Variants in DDAH1 observed in about 807,000 individuals in gnomAD.
DDAH1 encodes N(G),N(G)-dimethylarginine dimethylaminohydrolase 1.
A neutral mutation model predicts 28.8 loss-of-function variants in DDAH1; 19 were observed. The ratio of observed to expected loss-of-function variants is 0.66; its 90% confidence interval spans 0.46 to 0.97. The LOEUF (loss-of-function observed/expected upper bound fraction) is 0.97, where lower values mean the gene tolerates loss of function less well. Ranked by LOEUF, DDAH1 falls within the 50% of genes least tolerant of loss-of-function variation. The probability of loss-of-function intolerance (pLI) is 0.00; values close to 1 mark genes in which losing one functional copy is unlikely to be tolerated. For synonymous variants in DDAH1, 153 were observed against 154.4 expected, an observed-to-expected ratio of 0.99 and a Z score of 0.07; for missense variants, 326 against 375.9, an observed-to-expected ratio of 0.87 and a Z score of 1.10.
At chr1:85,538,026 A>C (rs1476723347) in intron 1 of DDAH1, among the ~76,000 whole-genome samples, 2 of 152,120 alleles carry the variant, frequency 1.3e-5, no homozygotes, top group Non-Finnish European at 2.9e-5. Context: ...CACAATCCTC[A>C]TCAGCAGGAA....
At chr1:85,356,283 C>A (rs1018029534) in intron 2 of DDAH1, among the ~76,000 whole-genome samples, 1 of 152,182 alleles carries the variant, frequency 6.6e-6, no homozygotes, top group Non-Finnish European at 1.5e-5. Flanking sequence ...TTGCCAGTAG[C>A]TGCTTGCCTG....
intron 1 of DDAH1, among the ~76,000 whole-genome samples, chr1:85,400,752 C>T (rs1331157903): frequency 6.6e-6 from 1 of 152,162 alleles, no homozygotes; most frequent in Non-Finnish European, 1.5e-5. Context: ...ACCAGGTTCA[C>T]TTCTTTATGC....
intron 1 of DDAH1, among the ~76,000 whole-genome samples, chr1:85,577,349 G>A (rs1659643163): frequency 6.6e-6 from 1 of 152,242 alleles, no homozygotes; most frequent in African/African-American, 2.4e-5. Flanking sequence ...TGGTAGAGGA[G>A]AGAAATGGGA....
intron 1 of DDAH1, among the ~76,000 whole-genome samples, chr1:85,561,412 T>C (rs1326194464): frequency 6.6e-6 from 1 of 152,028 alleles, no homozygotes; most frequent in Non-Finnish European, 1.5e-5. Context: ...TGAGAACTAT[T>C]AGGTTGGTGC....
upstream of DDAH1, among the ~76,000 whole-genome samples, chr1:85,469,684 T>C (rs1655551113): frequency 6.6e-6 from 1 of 152,158 alleles, no homozygotes; most frequent in Non-Finnish European, 1.5e-5. Context: ...CCAGGAGAAT[T>C]TGTGGCCTTC....
chr1:85,505,030 G>A (rs896082121), intron 1 of DDAH1, among the ~76,000 whole-genome samples: 5 of 127,914 alleles, frequency 3.9e-5, no homozygotes, highest in African/African-American at 1.6e-4. Context: ...TTGTTGCCCA[G>A]GCTGGAGTGC....
At chr1:85,567,387 A>G (rs1298732462) in intron 1 of DDAH1, among the ~76,000 whole-genome samples, 2 of 152,148 alleles carry the variant, frequency 1.3e-5, no homozygotes, top group Non-Finnish European at 1.5e-5. Flanking sequence ...TGCTATTCTC[A>G]TGATAGTGAT....
intron 1 of DDAH1, among the ~76,000 whole-genome samples, chr1:85,517,767 A>G (rs1286402744): frequency 1.3e-5 from 2 of 152,212 alleles, no homozygotes; most frequent in Non-Finnish European, 2.9e-5. Flanking sequence ...AGCCCCCAGG[A>G]GAAACAAAGA....
At chr1:85,401,563 G>A (rs1005824374) in intron 1 of DDAH1, among the ~76,000 whole-genome samples, 1 of 139,976 alleles carries the variant, frequency 7.1e-6, no homozygotes, top group Admixed American at 7.6e-5. Context: ...ACAGTCGCAT[G>A]ACCAAGGTTC....
intron 1 of DDAH1, among the ~76,000 whole-genome samples, chr1:85,538,144 C>T (rs112525065): frequency 0.014 from 2,093 of 152,238 alleles, 46 homozygotes; most frequent in African/African-American, 0.047. Context: ...AATGTGATTA[C>T]GACAAATACA....
chr1:85,413,695 C>T (rs1430978125), intron 1 of DDAH1, among the ~76,000 whole-genome samples: 1 of 152,184 alleles, frequency 6.6e-6, no homozygotes, highest in Non-Finnish European at 1.5e-5. Context: ...ATTTTCTTTT[C>T]CAAAATTCAA....
At chr1:85,418,237 G>A (rs537018692) in intron 1 of DDAH1, among the ~76,000 whole-genome samples, 1 of 152,284 alleles carries the variant, frequency 6.6e-6, no homozygotes, top group African/African-American at 2.4e-5. Flanking sequence ...CAAAAAATTG[G>A]TCCAAGAAAA....
At chr1:85,375,444 T>A (rs1410332375) in intron 1 of DDAH1, among the ~76,000 whole-genome samples, 1 of 152,164 alleles carries the variant, frequency 6.6e-6, no homozygotes, top group Non-Finnish European at 1.5e-5. Flanking sequence ...CTAAAAAGGA[T>A]TTAAAATTCA....
chr1:85,400,138 A>G (rs1447882295), intron 1 of DDAH1, among the ~76,000 whole-genome samples: 1 of 151,280 alleles, frequency 6.6e-6, no homozygotes, highest in Non-Finnish European at 1.5e-5. Flanking sequence ...CCTGAAGGAC[A>G]CATAGTCTAC....
At chr1:85,421,536 A>G (rs1044880776) in intron 1 of DDAH1, among the ~76,000 whole-genome samples, 6 of 152,108 alleles carry the variant, frequency 3.9e-5, no homozygotes, top group African/African-American at 1.4e-4. Context: ...GACAAATTAC[A>G]TATCTGTAAT....
intron 1 of DDAH1, among the ~76,000 whole-genome samples, chr1:85,397,651 G>A (rs1376605882): frequency 6.6e-6 from 1 of 152,098 alleles, no homozygotes; most frequent in East Asian, 1.9e-4. Context: ...AGCTCAATAA[G>A]AATTTGCTCT....
At chr1:85,459,932 T>C (rs1161818008) in intron 1 of DDAH1, among the ~76,000 whole-genome samples, 1 of 152,224 alleles carries the variant, frequency 6.6e-6, no homozygotes, top group Non-Finnish European at 1.5e-5. Flanking sequence ...TTATTCTACA[T>C]AGATTTAATG....
At chr1:85,467,976 A>G (rs747209059), upstream of DDAH1, among the ~76,000 whole-genome samples, 1 of 152,188 alleles carries the variant, frequency 6.6e-6, no homozygotes, top group African/African-American at 2.4e-5. Context: ...ATCTATCTCT[A>G]TGGTGGGTGG....
intron 1 of DDAH1, among the ~76,000 whole-genome samples, chr1:85,557,972 G>A (rs906556005): frequency 1.3e-5 from 2 of 152,156 alleles, no homozygotes; most frequent in Non-Finnish European, 2.9e-5. Flanking sequence ...CCCAATCTGT[G>A]AGACTCTGTT....
Sources: allele counts gnomAD v4.1 joint callset (sites outside exome capture counted in the v4.1 genomes callset), GRCh38; gene constraint gnomAD v4.1.1; transcripts MANE v1.5; gene names NCBI Gene and HGNC (gene_info 2026-07-23, HGNC 2026-07-21).